Variants in MEOX2 observed in about 807,000 individuals in gnomAD.
MEOX2 encodes the protein homeobox protein MOX-2.
In MEOX2, 11 loss-of-function variants were observed where a neutral mutation model predicts 27.0. The ratio of observed to expected loss-of-function variants is 0.41; its 90% confidence interval spans 0.26 to 0.68. MEOX2 has a LOEUF of 0.68. MEOX2 is among the 30% of genes least tolerant of loss of function. MEOX2 has a pLI of 0.33. For synonymous variants in MEOX2, 189 were observed against 155.4 expected, an observed-to-expected ratio of 1.22 and a Z score of -1.61; for missense variants, 436 against 385.4, an observed-to-expected ratio of 1.13 and a Z score of -1.10.
intron 1 of MEOX2, among the ~76,000 whole-genome samples, chr7:15,665,979 A>T (rs1413044308): frequency 3.3e-5 from 5 of 152,182 alleles, no homozygotes; most frequent in Non-Finnish European, 7.3e-5. Flanking sequence ...TCTCAAATTT[A>T]AGATTGAGAG....
At chr7:15,621,839 C>T (rs541828826) in intron 2 of MEOX2, among the ~76,000 whole-genome samples, 1 of 152,282 alleles carries the variant, frequency 6.6e-6, no homozygotes, top group East Asian at 1.9e-4. Flanking sequence ...CTGTTACAGG[C>T]CAGGTGCCAT....
chr7:15,626,766 G>T lies in MEOX2; in HGVS notation c.670C>A (p.Leu224Met). The stretch of plus-strand genomic sequence containing the variant: ...TTTACCTGTCTTTCAGTGAGATCCA[G>T]ATTCACTGCTATCTCGTATCGCCTC... ...RLRRYEIAVN[L>M]DLTERQVKVW... The change falls in exon 2 of 3, where the codon CTG (leucine) becomes ATG (methionine). Residue 224 changes from leucine to methionine, a missense_variant. By Grantham distance (15) the Leu-to-Met change is conservative (BLOSUM62 2). Transcript: ENST00000262041. 6.2e-7 allele frequency: 1 copy of T among 1,608,824 alleles called. No individual in the cohort carries two copies. The highest frequency in any genetic ancestry group is 8.5e-7 in the Non-Finnish European group (1 of 1,177,614).
intron 1 of MEOX2, among the ~76,000 whole-genome samples, chr7:15,677,154 A>G (rs1782208096): frequency 1.3e-5 from 2 of 152,230 alleles, no homozygotes; most frequent in South Asian, 4.1e-4. Flanking sequence ...TACATTTCCT[A>G]TAGCAGTATT....
chr7:15,628,936 G>A (rs969144863), intron 1 of MEOX2, among the ~76,000 whole-genome samples: 18 of 152,074 alleles, frequency 1.2e-4, no homozygotes, highest in African/African-American at 4.3e-4. Context: ...GTTCTCAGGT[G>A]AATTGAAAGA....
intron 1 of MEOX2, among the ~76,000 whole-genome samples, chr7:15,662,664 T>C (rs1781936702): frequency 6.6e-6 from 1 of 152,136 alleles, no homozygotes; most frequent in South Asian, 2.1e-4. Context: ...AATTTTGATA[T>C]TTTTGGCTTA....
intron 1 of MEOX2, among the ~76,000 whole-genome samples, chr7:15,669,800 G>C (rs1017309616): frequency 3.3e-5 from 5 of 152,124 alleles, no homozygotes; most frequent in African/African-American, 1.2e-4. Flanking sequence ...TACCTGACTT[G>C]CGATTCTGGA....
chr7:15,669,197 C>T (rs1441323518), intron 1 of MEOX2, among the ~76,000 whole-genome samples: 2 of 152,224 alleles, frequency 1.3e-5, no homozygotes, highest in African/African-American at 4.8e-5. Flanking sequence ...AAGGTTTTCT[C>T]TACACTTCTT....
chr7:15,631,458 A>G (rs965163172), intron 1 of MEOX2, among the ~76,000 whole-genome samples: 1 of 151,910 alleles, frequency 6.6e-6, no homozygotes, highest in Non-Finnish European at 1.5e-5. Flanking sequence ...AATAATTTAT[A>G]GAGGATATCC....
At chr7:15,615,041 G>GA (rs1781100987) in intron 2 of MEOX2, among the ~76,000 whole-genome samples, 1 of 151,896 alleles carries the variant, frequency 6.6e-6, no homozygotes, top group Non-Finnish European at 1.5e-5. Flanking sequence ...TAAAAAATAA[G>GA]AAAAAATAGT....
chr7:15,681,401 T>C (rs1318022304), intron 1 of MEOX2: 1 of 151,712 alleles, frequency 6.6e-6, no homozygotes, highest in Non-Finnish European at 1.5e-5. Context: ...GCTAAGTACA[T>C]GTAGTGGGCT....
intron 2 of MEOX2, among the ~76,000 whole-genome samples, chr7:15,624,679 A>AG (rs1484745259): frequency 6.6e-6 from 1 of 152,126 alleles, no homozygotes; most frequent in Admixed American, 6.6e-5. Flanking sequence ...GGTTCCATGT[A>AG]GGGCCAGCAG....
At chr7:15,668,807 T>C (rs1288315248) in intron 1 of MEOX2, among the ~76,000 whole-genome samples, 6 of 152,164 alleles carry the variant, frequency 3.9e-5, no homozygotes, top group Non-Finnish European at 7.4e-5. Context: ...TTGAAAGTTA[T>C]ACATGGATTT....
At chr7:15,665,112 G>C (rs572911608) in intron 1 of MEOX2, among the ~76,000 whole-genome samples, 1 of 149,564 alleles carries the variant, frequency 6.7e-6, no homozygotes, top group South Asian at 2.1e-4. Context: ...TACAGTTCAG[G>C]GTTCCTTCTA....
intron 1 of MEOX2, among the ~76,000 whole-genome samples, chr7:15,645,830 G>A (rs950518679): frequency 6.6e-6 from 1 of 152,058 alleles, no homozygotes; most frequent in Admixed American, 6.6e-5. Context: ...TATATACCTT[G>A]TATTCTGAGA....
chr7:15,683,675 A>G (rs1583799612), intron 1 of MEOX2, among the ~76,000 whole-genome samples: 1 of 152,282 alleles, frequency 6.6e-6, no homozygotes, highest in East Asian at 1.9e-4. Context: ...TTCAGCTGAA[A>G]TTGGCAAATA....
intron 1 of MEOX2, among the ~76,000 whole-genome samples, chr7:15,663,631 G>A (rs1458545386): frequency 3.3e-5 from 5 of 151,998 alleles, no homozygotes; most frequent in Non-Finnish European, 4.4e-5. Context: ...GAGCCACCGC[G>A]CCCAGCCAAT....
At chr7:15,617,856 T>G (rs1410246923) in intron 2 of MEOX2, among the ~76,000 whole-genome samples, 1 of 152,116 alleles carries the variant, frequency 6.6e-6, no homozygotes, top group Admixed American at 6.6e-5. Flanking sequence ...CTCATTAATG[T>G]AATCATAACA....
intron 1 of MEOX2, among the ~76,000 whole-genome samples, chr7:15,659,975 A>T (rs761158038): frequency 2.0e-4 from 31 of 152,304 alleles, no homozygotes; most frequent in Middle Eastern, 3.4e-3. Flanking sequence ...ACAGAAGTTA[A>T]TAAATGATTA....
At chr7:15,652,675 ATGTC>A (rs1360541381) in intron 1 of MEOX2, among the ~76,000 whole-genome samples, 1 of 151,998 alleles carries the variant, frequency 6.6e-6, no homozygotes, top group Non-Finnish European at 1.5e-5. Context: ...CAAGTTCTCT[ATGTC>A]TGTAATTTTT....
Sources: allele counts gnomAD v4.1 joint callset (sites outside exome capture counted in the v4.1 genomes callset), GRCh38; gene constraint gnomAD v4.1.1; transcripts MANE v1.5; gene names NCBI Gene and HGNC (gene_info 2026-07-23, HGNC 2026-07-21).